The following RPL7L1 variants were observed in gnomAD, a reference collection of about 807,000 sequenced individuals.
The protein encoded by RPL7L1 is ribosomal protein uL30-like.
Under a neutral mutation model 30.3 loss-of-function variants are expected in RPL7L1, and 20 were observed. That is an observed-to-expected ratio of 0.66 (90% CI 0.46 to 0.96). The LOEUF (loss-of-function observed/expected upper bound fraction) is 0.96, where lower values mean the gene tolerates loss of function less well. RPL7L1 is among the 40% of genes least tolerant of loss of function. RPL7L1 has a pLI of 0.00. For missense variants in RPL7L1, 271 were observed against 314.9 expected (o/e 0.86, Z 1.05); for synonymous variants, 107 against 110.1 (o/e 0.97, Z 0.18).
intron 3 of RPL7L1, 49 bp downstream of exon 3, chr6:42,883,663 G>T (rs1766162257): frequency 6.7e-7 from 1 of 1,484,360 alleles, no homozygotes; most frequent in South Asian, 1.3e-5. Context: ...GCAAAGTGTT[G>T]CTTAAGCTTT....
Position 42,886,847 on chromosome 6 carries a change from A to G in RPL7L1, c.*383A>G, listed in dbSNP as rs528472688. 1.2e-3 allele frequency: 226 copies of G among 188,614 alleles called. No individual in the cohort carries two copies. The highest frequency in any genetic ancestry group is 2.5e-3 in the Middle Eastern group (1 of 398). 11.7% of individuals were successfully genotyped at this position (188,614 alleles called of 1,614,324 possible). On this transcript the variant is annotated 3_prime_UTR_variant, in exon 6 of 6. Coordinates refer to ENST00000493763, the MANE Select transcript of RPL7L1 (RefSeq NM_001366481.3). ...TGTCTCTACTAAAAATACAAAAATG[A>G]GCTGGGTGTGGTGGCGCGTGCCTGT...
chr6:42,879,647 T>C lies in RPL7L1; in HGVS notation c.-264T>C. ...AGGAGCGGACGCCATAGGTGCATTG[T>C]GGGAAGCACTTTGCTGTCCACAGCC... On this transcript the variant is annotated 5_prime_UTR_variant, in exon 1 of 6. Transcript: ENST00000493763. The C allele has an allele frequency of 2.6e-6, 1 of 383,258 alleles. No homozygotes were observed. Among genetic ancestry groups the C allele is most frequent in the Non-Finnish European group, 5.0e-6 (1 of 200,432 alleles). 23.7% of individuals were successfully genotyped at this position (383,258 alleles called of 1,614,324 possible).
chr6:42,883,260 CAA>C, intron 2 of RPL7L1, 189 bp from the exon 3 acceptor site: 1 of 429,392 alleles, frequency 2.3e-6, no homozygotes, highest in African/African-American at 2.0e-5. Context: ...CAATAATTCC[CAA>C]GTTTCCTCAA....
chr6:42,883,941 G>C (rs1278219812), intron 3 of RPL7L1: 2 of 167,312 alleles, frequency 1.2e-5, no homozygotes, highest in Non-Finnish European at 2.6e-5. Flanking sequence ...GAAGTCCTGA[G>C]GTAGGGAAAG....
At chr6:42,883,369 A>G in intron 2 of RPL7L1, 82 bp from the exon 3 acceptor site, 1 of 1,056,688 alleles carries the variant, frequency 9.5e-7, no homozygotes, top group Non-Finnish European at 1.3e-6. Context: ...AAGCTATATC[A>G]GTTGTCACTT....
intron 3 of RPL7L1, 111 bp downstream of exon 3, chr6:42,883,725 C>G: frequency 1.2e-6 from 1 of 836,078 alleles, no homozygotes; most frequent in South Asian, 1.9e-5. Context: ...GCAAATTGTG[C>G]TAGGATGTCA....
intron 3 of RPL7L1, 29 bp from the exon 4 acceptor site, chr6:42,884,584 T>A: frequency 6.2e-7 from 1 of 1,606,652 alleles, no homozygotes; most frequent in South Asian, 1.1e-5. Flanking sequence ...GGAGGGAGTC[T>A]GTCTGACTTC....
In RPL7L1 at chr6:42,887,563, A is replaced by G. The variant is rs1766317477; in HGVS notation, c.*1099A>G. On this transcript the variant is annotated 3_prime_UTR_variant, in exon 6 of 6. Coordinates refer to ENST00000493763, the MANE Select transcript of RPL7L1 (RefSeq NM_001366481.3). ...ACGCCATTGCACTCCAGCCTGGGCA[A>G]CAAGCGAAACTCTGTCTCAAAAAAA... The G allele has an allele frequency of 6.6e-6, 1 of 152,132 alleles. No individual in the cohort carries two copies. Among genetic ancestry groups the G allele is most frequent in the Non-Finnish European group, 1.5e-5 (1 of 68,044 alleles). 9.4% of individuals were successfully genotyped at this position (152,132 alleles called of 1,614,324 possible).
chr6:42,879,812 AGT>A lies in RPL7L1; in HGVS notation c.-97_-96del. On this transcript the variant is annotated 5_prime_UTR_variant, in exon 1 of 6. Coordinates refer to ENST00000493763, the MANE Select transcript of RPL7L1 (RefSeq NM_001366481.3). ...GGACCTCAAGGGCTCACTGCGGCTAAGTGAACGCTGACTGGTCCTCCAGCGTG... is the reference window on the plus strand; with the variant it reads ...GGACCTCAAGGGCTCACTGCGGCTAAGAACGCTGACTGGTCCTCCAGCGTG... The A allele has an allele frequency of 7.6e-7, 1 of 1,313,824 alleles. No individual in the cohort carries two copies. The highest frequency in any genetic ancestry group is 1.1e-6 in the Non-Finnish European group (1 of 910,548). The allele number at this position is 1,313,824 out of a possible 1,614,324, so 81.4% of individuals were successfully genotyped here.
chr6:42,886,097 C>A lies in RPL7L1; in HGVS notation c.559+14C>A. On this transcript the variant is annotated intron_variant, in intron 5 of 5. Transcript: ENST00000493763. ...AGGAGCACCTGGGTGAGTGCTACAG[C>A]TTAGGGATCAGCTGGGGCAGAAAGC... The A allele has an allele frequency of 6.7e-7, 1 of 1,483,986 alleles. No homozygotes were observed. The highest frequency in any genetic ancestry group is 9.4e-7 in the Non-Finnish European group (1 of 1,064,374). The allele number at this position is 1,483,986 out of a possible 1,614,324, so 91.9% of individuals were successfully genotyped here.
Position 42,887,296 on chromosome 6 carries a change from T to G in RPL7L1, c.*832T>G, listed in dbSNP as rs1766307000. On this transcript the variant is annotated 3_prime_UTR_variant, in exon 6 of 6. Coordinates refer to ENST00000493763, the MANE Select transcript of RPL7L1 (RefSeq NM_001366481.3). ...CTGGAAAGGGTCAAAGAAAAGACAG[T>G]AGCTGGCCGGTCGTGGTGGCTCATG... The G allele has an allele frequency of 6.6e-6, 1 of 152,108 alleles. No individual in the cohort carries two copies. The highest frequency in any genetic ancestry group is 6.5e-5 in the Admixed American group (1 of 15,268). The allele number at this position is 152,108 out of a possible 1,614,324, so 9.4% of individuals were successfully genotyped here.
Position 42,880,846 on chromosome 6 carries a change from A to AC in RPL7L1, c.42-15_42-14insC. ...TTTTCTAAATGTTATCTCTGATCTC[A>AC]ATTTTCTGCATCAGGCAAAGAAAAA... On this transcript the variant is annotated splice_polypyrimidine_tract_variant and intron_variant, in intron 1 of 5. Transcript: ENST00000493763. 6.9e-7 allele frequency: 1 copy of AC among 1,457,428 alleles called. No homozygotes were observed. The highest frequency in any genetic ancestry group is 9.6e-7 in the Non-Finnish European group (1 of 1,039,654). The allele number at this position is 1,457,428 out of a possible 1,614,324, so 90.3% of individuals were successfully genotyped here.
At position 42,879,819 on chromosome 6, in the gene RPL7L1, G is replaced by T; in HGVS notation, c.-92G>T. On this transcript the variant is annotated 5_prime_UTR_variant, in exon 1 of 6. Transcript: ENST00000493763. ...AAGGGCTCACTGCGGCTAAGTGAAC[G>T]CTGACTGGTCCTCCAGCGTGAGCTA... 1 of 1,388,488 alleles carries T rather than the reference G, an allele frequency of 7.2e-7. No individual in the cohort carries two copies. Among genetic ancestry groups the T allele is most frequent in the South Asian group, 1.2e-5 (1 of 85,908 alleles). 86.0% of individuals were successfully genotyped at this position (1,388,488 alleles called of 1,614,324 possible).
chr6:42,882,002 C>G (rs1766095310), intron 2 of RPL7L1: 1 of 152,038 alleles, frequency 6.6e-6, no homozygotes, highest in Non-Finnish European at 1.5e-5. Flanking sequence ...CTCAAGTGAT[C>G]TGCCCACCTC....
At chr6:42,883,322 A>T in intron 2 of RPL7L1, 129 bp from the exon 3 acceptor site, 1 of 664,702 alleles carries the variant, frequency 1.5e-6, no homozygotes, top group Non-Finnish European at 2.4e-6. Flanking sequence ...AAAATAGAGA[A>T]TGTTGCTTTG....
Position 42,884,711 on chromosome 6 carries a change from T to G in RPL7L1, c.410T>G (p.Leu137Arg). ...GVFVKVTPQN[L>R]KMLRIVEPYV... Reference sequence around the variant, plus strand: ...TTTGTAAAAGTCACCCCCCAGAATCTAAAAATGCTGCGTATAGTGGAACCT... The same window carrying G: ...TTTGTAAAAGTCACCCCCCAGAATCGAAAAATGCTGCGTATAGTGGAACCT... Residue 137 changes from leucine to arginine, a missense_variant, in exon 4 of 6, where the codon CTA becomes CGA. Leu to Arg is a moderately radical substitution (Grantham distance 102). Transcript: ENST00000493763. 1 of 1,614,102 alleles carries G rather than the reference T, an allele frequency of 6.2e-7. No individual in the cohort carries two copies.
chr6:42,879,934 A>C lies in RPL7L1; in HGVS notation c.24A>C (p.Arg8Ser). MISSCTT[R>S]KMAEQEQRKI... Reference sequence around the variant, plus strand: ...GCATGATCAGTAGCTGCACCACTAGAAAGATGGCGGAGCAAGAGTGAGTGT... The same window carrying C: ...GCATGATCAGTAGCTGCACCACTAGCAAGATGGCGGAGCAAGAGTGAGTGT... Residue 8 changes from arginine to serine, a missense_variant, in exon 1 of 6, where the codon AGA becomes AGC. Arg to Ser is a moderately radical substitution (Grantham distance 110, BLOSUM62 -1). Transcript: ENST00000493763. The C allele has an allele frequency of 6.2e-7, 1 of 1,614,162 alleles. No homozygotes were observed.
Position 42,880,843 on chromosome 6 carries a change from C to G in RPL7L1, c.42-18C>G. 7.1e-7 allele frequency: 1 copy of G among 1,411,184 alleles called. No homozygotes were observed. The highest frequency in any genetic ancestry group is 1.0e-6 in the Non-Finnish European group (1 of 998,092). The allele number at this position is 1,411,184 out of a possible 1,614,324, so 87.4% of individuals were successfully genotyped here. A position where few individuals can be genotyped will look rare whatever the true frequency, so the allele number is the denominator to read the frequency against. On this transcript the variant is annotated intron_variant, in intron 1 of 5. Transcript: ENST00000493763. ...TTCTTTTCTAAATGTTATCTCTGAT[C>G]TCAATTTTCTGCATCAGGCAAAGAA... is the stretch of plus-strand genomic sequence containing the variant.
chr6:42,882,907 G>GA (rs1004724588), intron 2 of RPL7L1: 21 of 149,530 alleles, frequency 1.4e-4, no homozygotes, highest in South Asian at 2.1e-4. Flanking sequence ...CCCCATCTCA[G>GA]AAAAAAAAAA....
Sources: gnomAD v4.1 joint callset for allele counts on GRCh38, gnomAD v4.1.1 for gene constraint, MANE v1.5 for transcripts, NCBI Gene and HGNC (gene_info 2026-07-23, HGNC 2026-07-21) for gene names.